Variants in RGS9 observed in about 807,000 individuals in gnomAD.
RGS9 encodes the protein regulator of G protein signaling 9.
RGS9 carries 78 observed loss-of-function variants against 102.0 expected under a neutral mutation model. The ratio of observed to expected loss-of-function variants is 0.76; its 90% confidence interval spans 0.64 to 0.92. The LOEUF is 0.92. RGS9 is among the 40% of genes least tolerant of loss of function. The pLI is 0.00. For missense variants in RGS9, 833 were observed against 866.1 expected, an observed-to-expected ratio of 0.96 and a Z score of 0.48; for synonymous variants, 353 against 318.6, an observed-to-expected ratio of 1.11 and a Z score of -1.15.
Position 65,225,301 on chromosome 17 carries a change from GC to G in RGS9, c.1710del (p.Arg571GlyfsTer16). 1 of 1,609,578 alleles carries G rather than the reference GC, an allele frequency of 6.2e-7. No individual in the cohort carries two copies. ...SLDTSWPRSR[P>X]RAPPKARMAL... is the part of the protein sequence containing the mutation. Reference sequence around the variant, plus strand: ...TCGACACCTCCTGGCCTCGCAGCCGGCCCAGGGCCCCTCCTAAGGCCCGCAT... The same window carrying G: ...TCGACACCTCCTGGCCTCGCAGCCGGCCAGGGCCCCTCCTAAGGCCCGCAT... On this transcript the variant is annotated frameshift_variant, in exon 18 of 19. Coordinates refer to ENST00000262406, the MANE Select transcript of RGS9 (RefSeq NM_003835.4). LOFTEE classifies it high-confidence loss of function.
chr17:65,160,212 T>A (rs1910923670), intron 3 of RGS9, 21 bp from the exon 4 acceptor site: 1 of 1,573,370 alleles, frequency 6.4e-7, no homozygotes, highest in African/African-American at 1.4e-5. Flanking sequence ...TTAACATCCA[T>A]GTCTGAACTG....
At chr17:65,207,711 G>T (rs1200136706) in intron 15 of RGS9, among the ~76,000 whole-genome samples, 1 of 152,124 alleles carries the variant, frequency 6.6e-6, no homozygotes, top group Non-Finnish European at 1.5e-5. Flanking sequence ...GCAGGCCTGA[G>T]AAGTTCCCAG....
intron 1 of RGS9, among the ~76,000 whole-genome samples, chr17:65,141,272 G>A (rs1328702855): frequency 6.6e-6 from 1 of 152,186 alleles, no homozygotes; most frequent in Non-Finnish European, 1.5e-5. Context: ...GGCCTCCTGT[G>A]GTTCCAGCAC....
Position 65,225,629 on chromosome 17 carries a change from C to T in RGS9, c.1892+143C>T, listed in dbSNP as rs746715139. On this transcript the variant is annotated intron_variant, in intron 18 of 18. Transcript: ENST00000262406. ...GCAGCCCACTCAGATCCCTTGGCCACTGGAAGATATTCAGAAACTCAGTTT... is the reference window on the plus strand; with the variant it reads ...GCAGCCCACTCAGATCCCTTGGCCATTGGAAGATATTCAGAAACTCAGTTT... 1.8e-5 allele frequency: 21 copies of T among 1,181,526 alleles called. 1 individual carries two copies. In the Middle Eastern group the frequency reaches 3.8e-3, roughly 213 times the overall value. The allele number at this position is 1,181,526 out of a possible 1,614,324, so 73.2% of individuals were successfully genotyped here.
rs1342941749 is a variant in RGS9 at position 65,177,667 on chromosome 17, C to T, written c.583-65C>T. On this transcript the variant is annotated intron_variant, in intron 8 of 18. Transcript: ENST00000262406. ...TCACAATTGGCAGATTAACCAAGACCCACAGTTAACCAGAAACTGGAGACT... is the reference window on the plus strand; with the variant it reads ...TCACAATTGGCAGATTAACCAAGACTCACAGTTAACCAGAAACTGGAGACT... 6.8e-6 allele frequency: 10 copies of T among 1,468,118 alleles called. No homozygotes were observed. In the East Asian group the frequency reaches 2.3e-4, roughly 33 times the overall value. 90.9% of individuals were successfully genotyped at this position (1,468,118 alleles called of 1,614,324 possible).
Position 65,207,516 on chromosome 17 carries a change from CA to C in RGS9, c.1204-403del, listed in dbSNP as rs372593669. On this transcript the variant is annotated intron_variant, in intron 15 of 18. Transcript: ENST00000262406. The stretch of plus-strand genomic sequence containing the variant: ...ATGCAGCATATGAGAATAAGTGAAA[CA>C]AATTAAGCAGTTCTGGGTCTAGTGT... 1.6e-3 allele frequency among the ~76,000 whole-genome samples: 238 copies of C among 152,308 alleles called. 1 individual carries two copies. The highest frequency in any genetic ancestry group is 5.3e-3 in the African/African-American group (221 of 41,554).
chr17:65,193,546 T>C lies in RGS9; in HGVS notation c.750T>C (p.Ile250=), dbSNP rs1912460521. Residue 250 remains isoleucine, a synonymous_variant, in exon 12 of 19, where the codon ATT becomes ATC. Transcript: ENST00000262406. ...TVKSSVSLGG[I]VKYSEQFSSN... is the part of the protein sequence containing the mutation. ...TCATTTTCTGTTTCCTTTTCAGGAT[T>C]GTGAAATACAGTGAGCAGTTCTCAT... 1.2e-6 allele frequency: 2 copies of C among 1,603,932 alleles called. No homozygotes were observed. The highest frequency in any genetic ancestry group is 1.7e-6 in the Non-Finnish European group (2 of 1,170,894).
intron 9 of RGS9, among the ~76,000 whole-genome samples, chr17:65,181,279 C>G (rs1911875394): frequency 6.6e-6 from 1 of 152,206 alleles, no homozygotes; most frequent in Non-Finnish European, 1.5e-5. Flanking sequence ...TATAAGCTTC[C>G]CTTTTCTCCT....
chr17:65,174,485 G>T (rs111687463), intron 8 of RGS9, among the ~76,000 whole-genome samples: 12,610 of 151,980 alleles, frequency 0.083, 599 homozygotes, highest in Middle Eastern at 0.13. Context: ...GTGTGTTGGC[G>T]TGTCAAGGTG....
At chr17:65,150,773 T>C (rs1429756725) in intron 1 of RGS9, among the ~76,000 whole-genome samples, 2 of 152,220 alleles carry the variant, frequency 1.3e-5, no homozygotes, top group Non-Finnish European at 2.9e-5. Context: ...GTTAGATCTT[T>C]GGGCTCAGGG....
chr17:65,225,713 A>T (rs1274644981), intron 18 of RGS9: 2 of 598,916 alleles, frequency 3.3e-6, no homozygotes, highest in Non-Finnish European at 5.9e-6. Flanking sequence ...TCATCTTCCA[A>T]ATCTTTTCCA....
chr17:65,211,046 T>A (rs1255676199), intron 17 of RGS9, among the ~76,000 whole-genome samples: 1 of 152,050 alleles, frequency 6.6e-6, no homozygotes, highest in African/African-American at 2.4e-5. Flanking sequence ...AGAGAGAGCT[T>A]TGTCTACCAC....
intron 13 of RGS9, among the ~76,000 whole-genome samples, chr17:65,198,998 ATTCC>A (rs1453611100): frequency 6.6e-6 from 1 of 152,040 alleles, no homozygotes; most frequent in Non-Finnish European, 1.5e-5. Context: ...CCCCCCACTA[ATTCC>A]TTAGTGAGAA....
chr17:65,171,319 C>T (rs1911412481), intron 8 of RGS9, among the ~76,000 whole-genome samples: 1 of 152,202 alleles, frequency 6.6e-6, no homozygotes, highest in Non-Finnish European at 1.5e-5. Flanking sequence ...CAGATGACCT[C>T]ATTGACGCCT....
At chr17:65,142,252 C>CCCAAAAA (rs950116244) in intron 1 of RGS9, among the ~76,000 whole-genome samples, 5 of 152,044 alleles carry the variant, frequency 3.3e-5, no homozygotes, top group Admixed American at 6.6e-5. Flanking sequence ...TCAAAAAAAA[C>CCCAAAAA]CCAAAAACCA....
At chr17:65,204,325 A>T in intron 15 of RGS9, 24 bp downstream of exon 15, 8 of 1,613,204 alleles carry the variant, frequency 5.0e-6, no homozygotes, top group South Asian at 1.1e-5. Flanking sequence ...TGCTGTGGAT[A>T]CGGGGTCCAG....
In RGS9 at chr17:65,177,734, T is replaced by A. The variant is rs1227406622; in HGVS notation, c.585T>A (p.Pro195=). ...KAYWLVHRCP[P]GMDNVLDYGL... ...TATGTTGTTTTTATTCCATTTAGCC[T>A]GGAATGGACAATGTGCTGGACTACG... The change falls in exon 9 of 19, where the codon CCT becomes CCA. Residue 195 remains proline, a splice_region_variant and synonymous_variant. Coordinates refer to ENST00000262406, the MANE Select transcript of RGS9 (RefSeq NM_003835.4). The A allele has an allele frequency of 1.2e-6, 2 of 1,613,852 alleles. No homozygotes were observed. The highest frequency in any genetic ancestry group is 4.5e-5 in the East Asian group (2 of 44,904).
At chr17:65,204,326 C>A (rs761474230) in intron 15 of RGS9, 25 bp downstream of exon 15, 1 of 1,612,826 alleles carries the variant, frequency 6.2e-7, no homozygotes, top group Non-Finnish European at 8.5e-7. Flanking sequence ...GCTGTGGATA[C>A]GGGGTCCAGA....
intron 1 of RGS9, among the ~76,000 whole-genome samples, chr17:65,139,414 C>T (rs1910069475): frequency 6.6e-6 from 1 of 151,982 alleles, no homozygotes; most frequent in Non-Finnish European, 1.5e-5. Flanking sequence ...CCTGAGCAGC[C>T]TGGTTACCCA....
Sources: allele counts gnomAD v4.1 joint callset (sites outside exome capture counted in the v4.1 genomes callset), GRCh38; gene constraint gnomAD v4.1.1; transcripts MANE v1.5; gene names NCBI Gene and HGNC (gene_info 2026-07-23, HGNC 2026-07-21).